The following LRRC37A2 variants were observed in gnomAD, a reference collection of about 807,000 sequenced individuals.
LRRC37A2 encodes the protein leucine-rich repeat-containing protein 37A2.
In LRRC37A2, 9 loss-of-function variants were observed where a neutral mutation model predicts 68.8. The observed-to-expected ratio is 0.13, with a 90% CI of 0.08 to 0.23. The LOEUF (loss-of-function observed/expected upper bound fraction) is 0.23, where lower values mean the gene tolerates loss of function less well. Ranked by LOEUF, LRRC37A2 falls within the 10% of genes least tolerant of loss-of-function variation. LRRC37A2 has a pLI of 1.00. For missense variants in LRRC37A2, 168 were observed against 950.4 expected, an observed-to-expected ratio of 0.18 and a Z score of 10.82; for synonymous variants, 63 against 367.6, an observed-to-expected ratio of 0.17 and a Z score of 9.48.
At chr17:46,959,690 G>A in the LRRC37A2 span, among the ~76,000 whole-genome samples, 1 of 152,178 alleles carries the variant, frequency 6.6e-6, no homozygotes. Context: ...AAGGATTAAG[G>A]TAGGACATTT....
At chr17:46,931,107 A>G in the LRRC37A2 span, 3 of 1,579,566 alleles carry the variant, frequency 1.9e-6, no homozygotes, top group Non-Finnish European at 2.6e-6. Context: ...AGTAGTAGAA[A>G]ACGAAATCCA....
the LRRC37A2 span, chr17:46,755,854 AG>A: frequency 6.2e-7 from 1 of 1,608,804 alleles, no homozygotes; most frequent in Non-Finnish European, 8.5e-7. Flanking sequence ...ACAGTGACCA[AG>A]GGAAGTGACC....
At chr17:46,868,999 C>T in the LRRC37A2 span, among the ~76,000 whole-genome samples, 1 of 152,184 alleles carries the variant, frequency 6.6e-6, no homozygotes, top group Non-Finnish European at 1.5e-5. Flanking sequence ...GAAATACGAT[C>T]CCAAACTGCA....
At chr17:47,000,010 A>AAATTAAAATAAAAT in the LRRC37A2 span, among the ~76,000 whole-genome samples, 5 of 17,396 alleles carry the variant, frequency 2.9e-4, no homozygotes, top group African/African-American at 5.4e-4. Context: ...AAATAAAATA[A>AAATTAAAATAAAAT]AATAAAATAA....
chr17:46,745,192 T>A, the LRRC37A2 span, among the ~76,000 whole-genome samples: 1 of 152,208 alleles, frequency 6.6e-6, no homozygotes, highest in East Asian at 1.9e-4. Context: ...GCTGGCAGTG[T>A]TTCCCTTCAG....
chr17:46,870,235 C>T, the LRRC37A2 span, among the ~76,000 whole-genome samples: 1 of 152,182 alleles, frequency 6.6e-6, no homozygotes, highest in African/African-American at 2.4e-5. Context: ...TCGCCACTCA[C>T]ACCAGCCCTC....
At chr17:46,926,375 G>T in the LRRC37A2 span, among the ~76,000 whole-genome samples, 2 of 152,214 alleles carry the variant, frequency 1.3e-5, no homozygotes, top group South Asian at 4.2e-4. Flanking sequence ...ATGGGGTGGT[G>T]GGGGGCGGTG....
At chr17:46,940,649 C>G in the LRRC37A2 span, 1 of 1,613,184 alleles carries the variant, frequency 6.2e-7, no homozygotes, top group South Asian at 1.1e-5. Context: ...GCAGAAGTCC[C>G]CGCACCCATC....
At chr17:47,009,310 A>C in the LRRC37A2 span, among the ~76,000 whole-genome samples, 5 of 152,192 alleles carry the variant, frequency 3.3e-5, no homozygotes, top group Non-Finnish European at 4.4e-5. Flanking sequence ...TATAACTTGC[A>C]AATATTTAGA....
rs1275674756 is a variant in LRRC37A2, at chr17:46,544,920, G to A, written c.3054-1335G>A. Among the ~76,000 whole-genome samples, 14 of 139,444 alleles carry A rather than the reference G, an allele frequency of 1.0e-4. 1 individual carries two copies. Among genetic ancestry groups the A allele is most frequent in the African/African-American group, 3.9e-4 (14 of 36,282 alleles). 91.5% of individuals were successfully genotyped at this position (139,444 alleles called of 152,430 possible). ...TCTAAAACATGCCTCTACTTTCTTT[G>A]ATCTTTCATGACACTGGCATTTTTT... On this transcript the variant is annotated intron_variant, in intron 8 of 14. Transcript: ENST00000576629.
the LRRC37A2 span, among the ~76,000 whole-genome samples, chr17:46,898,208 A>G: frequency 7.2e-5 from 11 of 152,308 alleles, no homozygotes; most frequent in East Asian, 1.2e-3. Context: ...AGATACCCCA[A>G]GGAAAATGTG....
At chr17:47,009,041 A>C in the LRRC37A2 span, among the ~76,000 whole-genome samples, 1 of 151,986 alleles carries the variant, frequency 6.6e-6, no homozygotes, top group Non-Finnish European at 1.5e-5. Context: ...CTTCAATATG[A>C]GGAATTGCTT....
At chr17:46,899,840 T>C in the LRRC37A2 span, among the ~76,000 whole-genome samples, 5 of 152,052 alleles carry the variant, frequency 3.3e-5, no homozygotes, top group African/African-American at 1.2e-4. Context: ...TTGATTGCTG[T>C]TGTATTTCAT....
chr17:46,742,032 G>A, the LRRC37A2 span, among the ~76,000 whole-genome samples: 1 of 152,176 alleles, frequency 6.6e-6, no homozygotes, highest in Non-Finnish European at 1.5e-5. Context: ...GAGATTATAG[G>A]TGTGAGCCAC....
the LRRC37A2 span, among the ~76,000 whole-genome samples, chr17:46,709,785 G>A: frequency 6.6e-6 from 1 of 152,160 alleles, no homozygotes; most frequent in African/African-American, 2.4e-5. Flanking sequence ...TTGAGTCACT[G>A]CGCCCGGCCA....
the LRRC37A2 span, among the ~76,000 whole-genome samples, chr17:46,729,477 A>C: frequency 6.6e-6 from 1 of 152,094 alleles, no homozygotes; most frequent in African/African-American, 2.4e-5. Flanking sequence ...ATTTTTACTG[A>C]TGTGGCTATT....
At chr17:46,926,942 G>T in the LRRC37A2 span, among the ~76,000 whole-genome samples, 1 of 152,194 alleles carries the variant, frequency 6.6e-6, no homozygotes, top group Non-Finnish European at 1.5e-5. Context: ...CTGGGTCATA[G>T]CATGGACACA....
the LRRC37A2 span, among the ~76,000 whole-genome samples, chr17:46,961,967 A>G: frequency 6.6e-6 from 1 of 152,190 alleles, no homozygotes; most frequent in Admixed American, 6.5e-5. Flanking sequence ...TTGTTCAAAA[A>G]CTGTGCAAAT....
At chr17:46,876,232 G>A in the LRRC37A2 span, 22 of 1,591,426 alleles carry the variant, frequency 1.4e-5, 1 homozygote, top group Middle Eastern at 3.3e-4. Flanking sequence ...CCTCTGTTCT[G>A]CCTCCCCCAC....
Sources: gnomAD v4.1 joint callset for allele counts (sites outside exome capture counted in the v4.1 genomes callset) on GRCh38, gnomAD v4.1.1 for gene constraint, MANE v1.5 for transcripts, NCBI Gene and HGNC (gene_info 2026-07-23, HGNC 2026-07-21) for gene names.